DRC3: variants seen among roughly 807,000 people sequenced by gnomAD.
DRC3 encodes dynein regulatory complex subunit 3.
A neutral mutation model predicts 57.6 loss-of-function variants in DRC3; 45 were observed. The ratio of observed to expected loss-of-function variants is 0.78; its 90% CI spans 0.62 to 1.00. The LOEUF (loss-of-function observed/expected upper bound fraction) is 1.00. DRC3 is among the 50% of genes least tolerant of loss of function. The pLI, the probability that DRC3 is intolerant of heterozygous loss-of-function variation, is 0.00. For missense variants in DRC3, 655 were observed against 675.2 expected (o/e 0.97, Z 0.33); for synonymous variants, 257 against 272.3 (o/e 0.94, Z 0.55).
chr17:18,007,112 G>A lies in DRC3; in HGVS notation c.1291G>A (p.Asp431Asn), dbSNP rs760498955. The A allele has an allele frequency of 1.3e-5, 19 of 1,515,514 alleles. No homozygotes were observed. Among genetic ancestry groups the A allele is most frequent in the African/African-American group, 2.8e-5 (2 of 71,848 alleles). The allele number at this position is 1,515,514 out of a possible 1,614,324, so 93.9% of individuals were successfully genotyped here. A position where few individuals can be genotyped will look rare whatever the true frequency, so the allele number is the denominator to read the frequency against. Residue 431 changes from aspartate to asparagine, a missense_variant, in exon 12 of 14, where the codon GAC (aspartate) becomes AAC (asparagine). Asp to Asn is a conservative substitution (Grantham distance 23). Coordinates refer to ENST00000399187, the MANE Select transcript of DRC3 (RefSeq NM_031294.4). Reference sequence around the variant, plus strand: ...CACCCTGGAGAAGATTGTCGAGGGCGACCTGGACGAGGACCTGCCTAACGA... The same window carrying A: ...CACCCTGGAGAAGATTGTCGAGGGCAACCTGGACGAGGACCTGCCTAACGA... Reference protein sequence around the residue: ...ISTLEKIVEGDLDEDLPNDLR... With the variant: ...ISTLEKIVEGNLDEDLPNDLR...
intron 9 of DRC3, among the ~76,000 whole-genome samples, chr17:18,004,100 A>G (rs1019822233): frequency 6.6e-6 from 1 of 152,138 alleles, no homozygotes; most frequent in Non-Finnish European, 1.5e-5. Context: ...AGCACTTGCT[A>G]GTGCTCAAAG....
chr17:17,980,381 G>A (rs2042611589), intron 3 of DRC3, among the ~76,000 whole-genome samples: 1 of 150,732 alleles, frequency 6.6e-6, no homozygotes, highest in East Asian at 2.0e-4. Flanking sequence ...TGCAACCTCT[G>A]CCTCCTGAGT....
chr17:18,002,031 G>A (rs932415695), intron 9 of DRC3, among the ~76,000 whole-genome samples: 3 of 152,146 alleles, frequency 2.0e-5, no homozygotes, highest in African/African-American at 7.2e-5. Context: ...CACTGGGCAT[G>A]GTGGCAGGCA....
At chr17:18,007,590 T>C in intron 12 of DRC3, 1 of 1,456,706 alleles carries the variant, frequency 6.9e-7, no homozygotes, top group Non-Finnish European at 9.1e-7. Context: ...CACCAGCACA[T>C]CCACTGATGA....
rs763629865 is a variant in DRC3, at chr17:17,995,089, G to C, written c.802G>C (p.Gly268Arg). 42 of 1,613,572 alleles carry C rather than the reference G, an allele frequency of 2.6e-5. No homozygotes were observed. Among genetic ancestry groups the C allele is most frequent in the Non-Finnish European group, 3.3e-5 (39 of 1,179,610 alleles). Residue 268 changes from glycine (G) to arginine (R), a missense_variant, in exon 8 of 14, where the codon GGT becomes CGT. Gly to Arg is a moderately radical substitution (Grantham distance 125, BLOSUM62 -2). Transcript: ENST00000399187. Reference sequence around the variant, plus strand: ...GGGCAACAATCTGTCCTACCTGCCTGGTGTCGGTGAGCTCCTTGAGACATA... The same window carrying C: ...GGGCAACAATCTGTCCTACCTGCCTCGTGTCGGTGAGCTCCTTGAGACATA... ...SEGNNLSYLP[G>R]VGELLETYKD...
At chr17:17,982,635 C>T (rs1422776330) in intron 3 of DRC3, among the ~76,000 whole-genome samples, 8 of 143,394 alleles carry the variant, frequency 5.6e-5, no homozygotes, top group East Asian at 4.2e-4. Flanking sequence ...ATTGCAGTGG[C>T]GCGATCTTGG....
intron 2 of DRC3, 166 bp from the exon 3 acceptor site, chr17:17,977,416 T>C (rs1369554339): frequency 5.3e-6 from 4 of 748,466 alleles, no homozygotes; most frequent in African/African-American, 1.8e-5. Context: ...GGAGCAGCCT[T>C]GGCGTAAGTA....
chr17:17,977,126 G>C (rs114544167), intron 2 of DRC3, among the ~76,000 whole-genome samples: 2 of 152,312 alleles, frequency 1.3e-5, no homozygotes, highest in South Asian at 2.1e-4. Flanking sequence ...CGGCCTGGAG[G>C]GGGTGAGGTG....
chr17:17,974,920 C>T (rs940255504), intron 2 of DRC3, among the ~76,000 whole-genome samples: 6 of 152,204 alleles, frequency 3.9e-5, no homozygotes, highest in Admixed American at 3.3e-4. Context: ...CGTGATCTCA[C>T]ACAAATGCAG....
chr17:17,998,269 C>T (rs150117369), intron 9 of DRC3, among the ~76,000 whole-genome samples: 27 of 152,218 alleles, frequency 1.8e-4, no homozygotes, highest in African/African-American at 6.3e-4. Flanking sequence ...GGAGGAAGGG[C>T]GTTCCTCCAC....
At chr17:17,974,981 G>A (rs2042314304) in intron 2 of DRC3, among the ~76,000 whole-genome samples, 1 of 152,180 alleles carries the variant, frequency 6.6e-6, no homozygotes, top group Non-Finnish European at 1.5e-5. Context: ...GGCTTAGATA[G>A]GTGAAGTGAG....
chr17:17,981,019 C>A (rs2042654744), intron 3 of DRC3, among the ~76,000 whole-genome samples: 2 of 152,194 alleles, frequency 1.3e-5, no homozygotes, highest in African/African-American at 4.8e-5. Context: ...TTCTCATTAA[C>A]CTCAGGAGCA....
At chr17:17,978,905 A>C (rs1168777226) in intron 3 of DRC3, among the ~76,000 whole-genome samples, 1 of 152,268 alleles carries the variant, frequency 6.6e-6, no homozygotes, top group Non-Finnish European at 1.5e-5. Flanking sequence ...GAGCAAAAAA[A>C]GACAAAAGCC....
At chr17:17,985,717 A>C (rs1166598437) in intron 4 of DRC3, among the ~76,000 whole-genome samples, 1 of 152,140 alleles carries the variant, frequency 6.6e-6, no homozygotes, top group African/African-American at 2.4e-5. Flanking sequence ...AAGCACCTCA[A>C]ATCAGGGGTT....
intron 12 of DRC3, among the ~76,000 whole-genome samples, chr17:18,013,048 A>C (rs1221219931): frequency 6.6e-6 from 1 of 152,220 alleles, no homozygotes; most frequent in Non-Finnish European, 1.5e-5. Flanking sequence ...ATACATTAAA[A>C]ACTTTTCAGC....
Position 17,992,832 on chromosome 17 carries a change from C to T in DRC3, c.512C>T (p.Ala171Val), listed in dbSNP as rs1326904570. 4.3e-6 allele frequency: 7 copies of T among 1,613,842 alleles called. No individual in the cohort carries two copies. In the Admixed American group the frequency reaches 6.7e-5, roughly 15 times the overall value. Residue 171 changes from alanine (A) to valine (V), a missense_variant, in exon 6 of 14, where the codon GCA (alanine) becomes GTA (valine). Coordinates refer to ENST00000399187, the MANE Select transcript of DRC3 (RefSeq NM_031294.4). ...LSLSRNPISEAEDYKMFICAY... is the reference protein window; with the variant it reads ...LSLSRNPISEVEDYKMFICAY... ...CTCTCTAGGAACCCTATCTCTGAGGCAGAGGATTACAAGATGTTCATCTGT... is the reference window on the plus strand; with the variant it reads ...CTCTCTAGGAACCCTATCTCTGAGGTAGAGGATTACAAGATGTTCATCTGT...
chr17:17,976,091 C>T (rs2042373987), intron 2 of DRC3, among the ~76,000 whole-genome samples: 1 of 152,038 alleles, frequency 6.6e-6, no homozygotes, highest in Non-Finnish European at 1.5e-5. Context: ...ACAGGGGCTG[C>T]CTAGCATCAG....
intron 3 of DRC3, among the ~76,000 whole-genome samples, chr17:17,980,852 C>T (rs1029317115): frequency 7.2e-5 from 11 of 152,158 alleles, no homozygotes; most frequent in African/African-American, 2.4e-4. Flanking sequence ...CTCGGCCTCC[C>T]AAAGTGCTGG....
chr17:17,992,544 G>A (rs1047378067), intron 5 of DRC3, among the ~76,000 whole-genome samples: 14 of 152,066 alleles, frequency 9.2e-5, no homozygotes, highest in Admixed American at 7.2e-4. Context: ...CCTGAACCAT[G>A]GTCTGCTGGT....
Sources: allele counts gnomAD v4.1 joint callset (sites outside exome capture counted in the v4.1 genomes callset), GRCh38; gene constraint gnomAD v4.1.1; transcripts MANE v1.5; gene names NCBI Gene and HGNC (gene_info 2026-07-23, HGNC 2026-07-21).